CEP112: variants seen among roughly 807,000 people sequenced by gnomAD.
CEP112 encodes the protein centrosomal protein 112, also known as centrosomal protein of 112 kDa.
CEP112 carries 127 observed loss-of-function variants against 153.0 expected under a neutral mutation model. The observed-to-expected ratio is 0.83, with a 90% confidence interval of 0.72 to 0.96. The LOEUF is 0.96. CEP112 is among the 40% of genes least tolerant of loss of function. The pLI, the probability that CEP112 is intolerant of heterozygous loss-of-function variation, is 0.00. For synonymous variants in CEP112, 358 were observed against 374.4 expected (o/e 0.96, Z 0.51); for missense variants, 1,089 against 1,101.2 (o/e 0.99, Z 0.16).
intron 10 of CEP112, among the ~76,000 whole-genome samples, chr17:66,063,442 G>A (rs1029033300): frequency 2.0e-5 from 3 of 152,072 alleles, no homozygotes; most frequent in Non-Finnish European, 4.4e-5. Flanking sequence ...TGGAAGCTGA[G>A]CTATGGGTAT....
intron 21 of CEP112, among the ~76,000 whole-genome samples, chr17:65,825,614 G>A (rs990307470): frequency 6.6e-6 from 1 of 152,182 alleles, no homozygotes; most frequent in Non-Finnish European, 1.5e-5. Context: ...GAGACGGATC[G>A]TGGTGATGGT....
chr17:66,077,007 G>A (rs1351989234), intron 8 of CEP112, among the ~76,000 whole-genome samples: 2 of 152,098 alleles, frequency 1.3e-5, no homozygotes, highest in Non-Finnish European at 2.9e-5. Flanking sequence ...AAAAGGGGGA[G>A]AATACTACAT....
intron 21 of CEP112, among the ~76,000 whole-genome samples, chr17:65,820,690 T>C (rs997690181): frequency 3.9e-5 from 6 of 152,152 alleles, no homozygotes; most frequent in Non-Finnish European, 2.9e-5. Flanking sequence ...AAATGTATGA[T>C]ACTTCCTTCA....
intron 21 of CEP112, among the ~76,000 whole-genome samples, chr17:65,821,535 TATA>T (rs1363270279): frequency 0.016 from 569 of 36,194 alleles, 12 homozygotes; most frequent in East Asian, 0.068. Flanking sequence ...TATATATATA[TATA>T]TATTTTTTTT....
chr17:65,785,399 T>G (rs2054226613), intron 21 of CEP112, among the ~76,000 whole-genome samples: 1 of 152,218 alleles, frequency 6.6e-6, no homozygotes, highest in Admixed American at 6.5e-5. Flanking sequence ...CAAACTATTT[T>G]CCAAAATGAC....
intron 21 of CEP112, among the ~76,000 whole-genome samples, chr17:65,806,871 GA>G (rs1158641389): frequency 6.6e-6 from 1 of 152,182 alleles, no homozygotes; most frequent in East Asian, 1.9e-4. Flanking sequence ...GACTAATACA[GA>G]AAATTGATAC....
chr17:65,919,497 A>G (rs1342605975), intron 19 of CEP112, among the ~76,000 whole-genome samples: 3 of 152,208 alleles, frequency 2.0e-5, no homozygotes, highest in Admixed American at 6.5e-5. Flanking sequence ...TCACACTTCC[A>G]TTTGAATGGC....
intron 18 of CEP112, among the ~76,000 whole-genome samples, chr17:65,930,733 G>T (rs541646871): frequency 6.6e-6 from 1 of 152,188 alleles, no homozygotes; most frequent in African/African-American, 2.4e-5. Context: ...GACCTCAAGT[G>T]AGATTCTCCT....
chr17:65,833,326 A>G (rs562505604), intron 21 of CEP112, among the ~76,000 whole-genome samples: 8 of 152,298 alleles, frequency 5.3e-5, no homozygotes, highest in African/African-American at 1.9e-4. Context: ...CACCACTCCT[A>G]TTCACCACTG....
rs1443840611 is a variant in CEP112 at position 66,110,367 on chromosome 17, A to C, written c.643-13735T>G. On this transcript the variant is annotated intron_variant, in intron 6 of 26. Coordinates refer to ENST00000535342, the MANE Select transcript of CEP112 (RefSeq NM_001199165.4). ...AAAAAAGAAAAAAAAAGAAAAGAAA[A>C]GATACAATAAAACTATAGTAATGTA... Among the ~76,000 whole-genome samples, 3 of 152,088 alleles carry C rather than the reference A, an allele frequency of 2.0e-5. No individual in the cohort carries two copies. In the East Asian group the frequency reaches 5.8e-4, roughly 29 times the overall value.
chr17:66,141,274 GT>G lies in CEP112; in HGVS notation c.471-8512del, dbSNP rs1053654319. ...TGTGATTTTCAGATTTAGTAATCAT[GT>G]TTTTCAATTGTAAGCACATTTTTAT... On this transcript the variant is annotated intron_variant, in intron 4 of 26. Transcript: ENST00000535342. 2.8e-4 allele frequency among the ~76,000 whole-genome samples: 43 copies of G among 151,774 alleles called. 2 individuals carry two copies. The highest frequency in any genetic ancestry group is 1.0e-3 in the African/African-American group (42 of 41,236).
intron 21 of CEP112, among the ~76,000 whole-genome samples, chr17:65,845,606 G>A (rs923851798): frequency 1.3e-5 from 2 of 152,044 alleles, no homozygotes; most frequent in South Asian, 4.2e-4. Flanking sequence ...CTATTTCAAG[G>A]AAGGTTATTT....
intron 18 of CEP112, among the ~76,000 whole-genome samples, chr17:65,930,699 T>C (rs2061087864): frequency 6.6e-6 from 1 of 152,264 alleles, no homozygotes; most frequent in African/African-American, 2.4e-5. Context: ...CAAGACTCTC[T>C]TTCTTTCAGT....
chr17:65,658,171 G>A (rs1011572838), intron 24 of CEP112, among the ~76,000 whole-genome samples: 11 of 152,324 alleles, frequency 7.2e-5, no homozygotes, highest in Admixed American at 5.2e-4. Flanking sequence ...TACACAGTGC[G>A]TAACTGCTAG....
chr17:66,060,444 C>T (rs2066879097), intron 11 of CEP112, among the ~76,000 whole-genome samples: 1 of 151,942 alleles, frequency 6.6e-6, no homozygotes, highest in Non-Finnish European at 1.5e-5. Context: ...TCTGAGTAGC[C>T]AAAGCAATCT....
At chr17:66,058,976 T>C (rs1417922936) in intron 11 of CEP112, among the ~76,000 whole-genome samples, 2 of 152,040 alleles carry the variant, frequency 1.3e-5, no homozygotes, top group East Asian at 1.9e-4. Flanking sequence ...CATAGACCGA[T>C]GAAACAGAAG....
chr17:65,732,458 C>T (rs971963521), intron 23 of CEP112, among the ~76,000 whole-genome samples: 2 of 152,160 alleles, frequency 1.3e-5, no homozygotes, highest in African/African-American at 2.4e-5. Flanking sequence ...GTTAATGAGC[C>T]CTGGCCTTAG....
At chr17:66,090,583 C>T (rs1290250891) in intron 8 of CEP112, among the ~76,000 whole-genome samples, 1 of 151,902 alleles carries the variant, frequency 6.6e-6, no homozygotes, top group African/African-American at 2.4e-5. Flanking sequence ...CAAAGCATAC[C>T]ACTACAGAAA....
rs555171082 is a variant in CEP112, at chr17:66,074,567, CA to C, written c.769-4567del. On this transcript the variant is annotated intron_variant, in intron 8 of 26. Coordinates refer to ENST00000535342, the MANE Select transcript of CEP112 (RefSeq NM_001199165.4). ...ATCACAAACTGCTGAAAAACAAAAA[CA>C]AAAAGAAAAATCTTGGCTGGGCATG... Among the ~76,000 whole-genome samples the C allele has an allele frequency of 2.6e-3, 392 of 151,906 alleles. 4 individuals carry two copies. The highest frequency in any genetic ancestry group is 8.7e-3 in the African/African-American group (361 of 41,492).
Sources: gnomAD v4.1 joint callset for allele counts (sites outside exome capture counted in the v4.1 genomes callset) on GRCh38, gnomAD v4.1.1 for gene constraint, MANE v1.5 for transcripts, NCBI Gene and HGNC (gene_info 2026-07-23, HGNC 2026-07-21) for gene names.